Variants in HHIPL1 observed in about 807,000 individuals in gnomAD.
HHIPL1 encodes HHIP like 1.
HHIPL1 carries 43 observed loss-of-function variants against 61.8 expected under a neutral mutation model. The ratio of observed to expected loss-of-function variants is 0.70; its 90% confidence interval spans 0.55 to 0.90. The LOEUF is 0.90. Among genes scored for constraint, HHIPL1 ranks in the 40% least tolerant of loss-of-function variants. The pLI is 0.00. For missense variants in HHIPL1, 1,056 were observed against 1,157.7 expected, an observed-to-expected ratio of 0.91 and a Z score of 1.28; for synonymous variants, 482 against 515.8, an observed-to-expected ratio of 0.93 and a Z score of 0.89.
chr14:99,637,256 GA>G, the HHIPL1 span, among the ~76,000 whole-genome samples: 14 of 143,036 alleles, frequency 9.8e-5, no homozygotes, highest in African/African-American at 3.6e-4. Flanking sequence ...AAGAAAGAAA[GA>G]AAGAAAGAAA....
Position 99,679,093 on chromosome 14 carries a change from C to A in HHIPL1, c.*3467C>A, listed in dbSNP as rs2056416794. 6.6e-6 allele frequency: 1 copy of A among 152,236 alleles called. No homozygotes were observed. Among genetic ancestry groups the A allele is most frequent in the Admixed American group, 6.5e-5 (1 of 15,282 alleles). 9.4% of individuals were successfully genotyped at this position (152,236 alleles called of 1,614,324 possible). A position where few individuals can be genotyped will look rare whatever the true frequency, so the allele number is the denominator to read the frequency against. On this transcript the variant is annotated 3_prime_UTR_variant, in exon 9 of 9. Transcript: ENST00000330710. ...TTGTCACTTACCAAATGTCACATAG[C>A]CAAAATTTGAATTTGAGCCCAGGTA...
chr14:99,615,721 GAGAAAGAA>G, the HHIPL1 span, among the ~76,000 whole-genome samples: 1 of 151,586 alleles, frequency 6.6e-6, no homozygotes, highest in East Asian at 1.9e-4. Context: ...AGGAAAGAAA[GAGAAAGAA>G]AGAAAGAAAA....
At chr14:99,614,262 G>T in the HHIPL1 span, among the ~76,000 whole-genome samples, 2 of 152,276 alleles carry the variant, frequency 1.3e-5, no homozygotes, top group East Asian at 1.9e-4. Context: ...GTGCCCCGGA[G>T]CCCAGAGTCT....
chr14:99,640,877 C>CTTTTTTTTTTTTTTTTT (rs59137552), upstream of HHIPL1, among the ~76,000 whole-genome samples: 14 of 69,854 alleles, frequency 2.0e-4, no homozygotes, highest in Non-Finnish European at 3.0e-4. Flanking sequence ...ACTTCTTCTT[C>CTTTTTTTTTTTTTTTTT]TTTTTTTTTT....
At position 99,675,184 on chromosome 14, in the gene HHIPL1, C is replaced by T. The variant is rs956093637; in HGVS notation, c.1907C>T (p.Ala636Val). 2.7e-6 allele frequency: 3 copies of T among 1,130,432 alleles called. No homozygotes were observed. Among genetic ancestry groups the T allele is most frequent in the African/African-American group, 3.4e-5 (2 of 59,580 alleles). The allele number at this position is 1,130,432 out of a possible 1,614,324, so 70.0% of individuals were successfully genotyped here. A position where few individuals can be genotyped will look rare whatever the true frequency, so the allele number is the denominator to read the frequency against. ...GGGCGCCCCACGGCCGCTCCCCCCG[C>T]GCCAACCCCGCGGCCAGCGCGGCCC... ...RRGRPTAAPP[A>V]PTPRPARPTQ... The change falls in exon 9 of 9, where the codon GCG becomes GTG. Residue 636 changes from alanine to valine, a missense_variant. Ala to Val is a moderately conservative substitution (Grantham distance 64). Transcript: ENST00000330710. This position sits in a 1 kb window ranked among gnomAD's most constrained non-coding sequence, Gnocchi z 5.4.
intron 5 of HHIPL1, among the ~76,000 whole-genome samples, chr14:99,661,707 C>T (rs2056156560): frequency 6.6e-6 from 1 of 152,198 alleles, no homozygotes; most frequent in African/African-American, 2.4e-5. Context: ...TCAAGCAATC[C>T]TCCTGCTTTG....
At chr14:99,656,640 G>A (rs1191194039) in intron 2 of HHIPL1, among the ~76,000 whole-genome samples, 1 of 151,690 alleles carries the variant, frequency 6.6e-6, no homozygotes, top group Admixed American at 6.6e-5. Context: ...GCCAGGCATG[G>A]TGGCGGGCAC....
chr14:99,664,431 CA>C (rs2056208291), intron 6 of HHIPL1, among the ~76,000 whole-genome samples: 1 of 152,190 alleles, frequency 6.6e-6, no homozygotes, highest in Non-Finnish European at 1.5e-5. Flanking sequence ...CTCACAGAGG[CA>C]GGGCCTGGAA....
At chr14:99,641,989 CA>C (rs1452731310), upstream of HHIPL1, among the ~76,000 whole-genome samples, 1 of 151,452 alleles carries the variant, frequency 6.6e-6, no homozygotes, top group Admixed American at 6.6e-5. Flanking sequence ...GCCCAGGCTA[CA>C]GTGCAGTGGT....
At chr14:99,646,709 G>A (rs2055839335) in intron 1 of HHIPL1, among the ~76,000 whole-genome samples, 2 of 151,830 alleles carry the variant, frequency 1.3e-5, no homozygotes, top group African/African-American at 4.8e-5. Context: ...GGGAGGCAGA[G>A]GTTGCAGTGA....
rs779686065 is a variant in HHIPL1 at position 99,659,431 on chromosome 14, G to A, written c.1050G>A (p.Ser350=). 424 of 1,440,172 alleles carry A rather than the reference G, an allele frequency of 2.9e-4. 1 individual carries two copies. Among genetic ancestry groups the A allele is most frequent in the Non-Finnish European group, 3.8e-4 (419 of 1,098,550 alleles). The allele number at this position is 1,440,172 out of a possible 1,614,324, so 89.2% of individuals were successfully genotyped here. A position where few individuals can be genotyped will look rare whatever the true frequency, so the allele number is the denominator to read the frequency against. ...CCCTCTCCCACCCCGCCCGCAGGTC[G>A]GCGCTGCTGGGCAAGGTGCTGCGCA... The part of the protein sequence containing the change: ...FGTFGNAQNK[S]ALLGKVLRID... Residue 350 remains serine, a synonymous_variant, in exon 4 of 9, where the codon TCG becomes TCA. Transcript: ENST00000330710.
At chr14:99,620,927 G>C in the HHIPL1 span, among the ~76,000 whole-genome samples, 1 of 152,204 alleles carries the variant, frequency 6.6e-6, no homozygotes, top group African/African-American at 2.4e-5. Context: ...CGGATTCTCT[G>C]AAGGCAACAC....
Position 99,645,362 on chromosome 14 carries a change from G to A in HHIPL1, c.155G>A (p.Arg52His), listed in dbSNP as rs1022866000. Residue 52 changes from arginine (R) to histidine (H), a missense_variant, in exon 1 of 9, where the codon CGC becomes CAC. Coordinates refer to ENST00000330710, the MANE Select transcript of HHIPL1 (RefSeq NM_001127258.3). ...YSDFGCCDEG[R>H]DAELTRRFWA... ...GACTTCGGCTGCTGCGATGAGGGGC[G>A]CGACGCCGAGCTGACCCGCCGCTTC... is the stretch of plus-strand genomic sequence containing the variant. The A allele has an allele frequency of 4.2e-6, 6 of 1,444,402 alleles. No individual in the cohort carries two copies. Among genetic ancestry groups the A allele is most frequent in the Non-Finnish European group, 5.4e-6 (6 of 1,102,448 alleles). 89.5% of individuals were successfully genotyped at this position (1,444,402 alleles called of 1,614,324 possible).
Position 99,663,008 on chromosome 14 carries a change from G to T in HHIPL1, c.1635G>T (p.Gly545=), listed in dbSNP as rs2056178543. ...NNYYPYIISF[G]EDEAGELYFM... is the part of the protein sequence containing the mutation. ...ACTACCCGTACATCATCTCCTTCGG[G>T]GAGGACGAGGCCGGTGAGCACTCCT... Residue 545 remains glycine, a synonymous_variant, in exon 6 of 9, where the codon GGG becomes GGT. Coordinates refer to ENST00000330710, the MANE Select transcript of HHIPL1 (RefSeq NM_001127258.3). 6.2e-7 allele frequency: 1 copy of T among 1,608,766 alleles called. No individual in the cohort carries two copies.
At chr14:99,610,502 G>A in the HHIPL1 span, among the ~76,000 whole-genome samples, 1 of 152,160 alleles carries the variant, frequency 6.6e-6, no homozygotes, top group African/African-American at 2.4e-5. Flanking sequence ...GCTCACACCT[G>A]TAATCCCAGC....
At chr14:99,644,500 G>A (rs2055794848), upstream of HHIPL1, among the ~76,000 whole-genome samples, 1 of 152,148 alleles carries the variant, frequency 6.6e-6, no homozygotes, top group Non-Finnish European at 1.5e-5. Flanking sequence ...AATCTCCAGC[G>A]GGGGCAGCGG....
intron 1 of HHIPL1, among the ~76,000 whole-genome samples, chr14:99,646,867 A>ATG (rs2055849095): frequency 1.1e-5 from 1 of 92,618 alleles, no homozygotes; most frequent in Admixed American, 1.1e-4. Flanking sequence ...AATATGATAT[A>ATG]ATATGATACA....
chr14:99,620,641 A>G, the HHIPL1 span, among the ~76,000 whole-genome samples: 1 of 152,214 alleles, frequency 6.6e-6, no homozygotes, highest in Non-Finnish European at 1.5e-5. Flanking sequence ...AAAGGGGGAC[A>G]GGGGCCACTG....
At chr14:99,673,990 CAGTGGGAGAGGTGAGGCAGCCTG>C (rs1371092233) in intron 8 of HHIPL1, among the ~76,000 whole-genome samples, 11 of 151,404 alleles carry the variant, frequency 7.3e-5, no homozygotes, top group Non-Finnish European at 1.3e-4. Context: ...GCAAGAGCCA[CAGTGGGAGAGGTGAGGCAGCCTG>C]AGGAGCAGGA....
Sources: allele counts gnomAD v4.1 joint callset (sites outside exome capture counted in the v4.1 genomes callset), GRCh38; gene constraint gnomAD v4.1.1; non-coding constraint Gnocchi (gnomAD v3.1); transcripts MANE v1.5; gene names NCBI Gene and HGNC (gene_info 2026-07-23, HGNC 2026-07-21).